The following SUMF1 variants were observed in gnomAD, a reference collection of about 807,000 sequenced individuals.
The protein encoded by SUMF1 is formylglycine-generating enzyme.
SUMF1 carries 48 observed loss-of-function variants against 47.6 expected under a neutral mutation model. The observed-to-expected ratio is 1.01, with a 90% CI of 0.80 to 1.28. The LOEUF (loss-of-function observed/expected upper bound fraction) is 1.28, where lower values mean the gene tolerates loss of function less well. Ranked by LOEUF, SUMF1 falls within the 50% of genes most tolerant of loss-of-function variation. The pLI, the probability that SUMF1 is intolerant of heterozygous loss-of-function variation, is 0.00. For synonymous variants in SUMF1, 230 were observed against 192.1 expected, an observed-to-expected ratio of 1.20 and a Z score of -1.63; for missense variants, 571 against 485.4, an observed-to-expected ratio of 1.18 and a Z score of -1.66.
rs112740612 is a variant in SUMF1 at position 4,068,483 on chromosome 3, T to C, written c.1191+86A>G. ...ATGTTCAAAATATTATTTCAACATG[T>C]AATCAATATAAAAATGTTTGTGGGG... On this transcript the variant is annotated intron_variant and NMD_transcript_variant, in intron 9 of 12. Transcript: ENST00000448413. 1.1e-3 allele frequency: 203 copies of C among 177,706 alleles called. 2 individuals carry two copies. The highest frequency in any genetic ancestry group is 4.4e-3 in the African/African-American group (187 of 42,576). 11.0% of individuals were successfully genotyped at this position (177,706 alleles called of 1,614,324 possible).
At chr3:4,312,598 C>T (rs1698449719) in intron 8 of SUMF1, among the ~76,000 whole-genome samples, 1 of 151,244 alleles carries the variant, frequency 6.6e-6, no homozygotes, top group Non-Finnish European at 1.5e-5. Context: ...GTAGCTGTAG[C>T]AGCTAAGGAA....
At chr3:4,069,660 A>G (rs1319883517) in intron 8 of SUMF1, among the ~76,000 whole-genome samples, 1 of 152,062 alleles carries the variant, frequency 6.6e-6, no homozygotes, top group East Asian at 1.9e-4. Context: ...CTGATTTTTT[A>G]TCTGGCCCAA....
intron 3 of SUMF1, among the ~76,000 whole-genome samples, chr3:4,437,234 A>C (rs1006213623): frequency 6.6e-6 from 1 of 152,344 alleles, no homozygotes; most frequent in East Asian, 1.9e-4. Flanking sequence ...AATTAGAATG[A>C]AAGAGTGGAC....
intron 1 of SUMF1, among the ~76,000 whole-genome samples, chr3:4,457,058 G>GTATATA (rs373828142): frequency 5.8e-4 from 50 of 86,086 alleles, no homozygotes; most frequent in East Asian, 5.3e-3. Flanking sequence ...ATACGTGTGT[G>GTATATA]TATATATATA....
At chr3:4,176,634 C>T (rs1292440855) in intron 8 of SUMF1, among the ~76,000 whole-genome samples, 1 of 152,144 alleles carries the variant, frequency 6.6e-6, no homozygotes, top group Non-Finnish European at 1.5e-5. Flanking sequence ...CATCAATTAA[C>T]AGGCAAAATA....
chr3:4,420,271 T>C, intron 3 of SUMF1, 125 bp from the exon 4 acceptor site: 1 of 741,602 alleles, frequency 1.3e-6, no homozygotes, highest in Non-Finnish European at 2.4e-6. Context: ...AACAAATACA[T>C]TTGCCAGAAT....
At chr3:4,305,093 A>AG (rs1056547543) in intron 8 of SUMF1, among the ~76,000 whole-genome samples, 6 of 151,986 alleles carry the variant, frequency 3.9e-5, no homozygotes, top group Non-Finnish European at 7.4e-5. Flanking sequence ...GTTAAGATAA[A>AG]GGGTTTTTTT....
At chr3:4,460,800 G>A (rs567095521) in intron 1 of SUMF1, among the ~76,000 whole-genome samples, 2 of 151,930 alleles carry the variant, frequency 1.3e-5, no homozygotes, top group South Asian at 2.1e-4. Context: ...GGCACTACAG[G>A]TGAACACCAA....
intron 8 of SUMF1, among the ~76,000 whole-genome samples, chr3:4,175,129 C>T (rs1041635612): frequency 6.6e-6 from 1 of 152,206 alleles, no homozygotes; most frequent in Non-Finnish European, 1.5e-5. Context: ...AGAAAGCAGA[C>T]AACTTCTGCA....
chr3:4,355,595 G>C (rs1028772058), intron 8 of SUMF1, among the ~76,000 whole-genome samples: 6 of 152,146 alleles, frequency 3.9e-5, no homozygotes, highest in African/African-American at 1.4e-4. Flanking sequence ...TAGTCTGTTA[G>C]TGGTTTCACT....
intron 9 of SUMF1, among the ~76,000 whole-genome samples, chr3:4,045,062 A>G (rs1694980879): frequency 6.6e-6 from 1 of 152,178 alleles, no homozygotes; most frequent in Non-Finnish European, 1.5e-5. Context: ...CTAGGCTGCA[A>G]TCCTTATTTA....
At chr3:4,140,988 A>G (rs1312417057) in intron 8 of SUMF1, among the ~76,000 whole-genome samples, 2 of 152,208 alleles carry the variant, frequency 1.3e-5, no homozygotes, top group Non-Finnish European at 2.9e-5. Flanking sequence ...GAGTTTTCAC[A>G]TGATAAGCAA....
chr3:4,157,270 T>A lies in SUMF1; in HGVS notation c.1015-88525A>T, dbSNP rs570011501. Among the ~76,000 whole-genome samples, 36 of 151,650 alleles carry A rather than the reference T, an allele frequency of 2.4e-4. 1 individual carries two copies. In the South Asian group the frequency reaches 7.5e-3, roughly 31 times the overall value. ...GCCAGTTTTTTAGATGTGCTGGTCA[T>A]GTTCCTTAAGCTAGTAACCACTTCA... On this transcript the variant is annotated intron_variant and NMD_transcript_variant, in intron 8 of 12. Coordinates refer to the SUMF1 transcript ENST00000448413.
At chr3:4,136,939 T>A (rs897764736) in intron 8 of SUMF1, among the ~76,000 whole-genome samples, 1 of 152,060 alleles carries the variant, frequency 6.6e-6, no homozygotes, top group African/African-American at 2.4e-5. Context: ...CTCACACCAG[T>A]TAGAATGGCG....
At chr3:4,049,911 G>A (rs1695074627) in intron 9 of SUMF1, among the ~76,000 whole-genome samples, 1 of 152,004 alleles carries the variant, frequency 6.6e-6, no homozygotes, top group Non-Finnish European at 1.5e-5. Flanking sequence ...GAGCTGGAAG[G>A]GGGATGGAGT....
intron 8 of SUMF1, among the ~76,000 whole-genome samples, chr3:4,337,725 C>T (rs1699184449): frequency 6.6e-6 from 1 of 152,242 alleles, no homozygotes; most frequent in Admixed American, 6.5e-5. Flanking sequence ...TTCTCCTATC[C>T]TGCATTGAAC....
At chr3:4,093,922 A>G (rs1276723531) in intron 8 of SUMF1, among the ~76,000 whole-genome samples, 2 of 152,110 alleles carry the variant, frequency 1.3e-5, no homozygotes, top group African/African-American at 4.8e-5. Flanking sequence ...TTAAAATTCT[A>G]TATTAGGTAG....
chr3:4,246,231 C>T (rs1268167508), intron 8 of SUMF1, among the ~76,000 whole-genome samples: 1 of 152,132 alleles, frequency 6.6e-6, no homozygotes, highest in Non-Finnish European at 1.5e-5. Flanking sequence ...GAGGTGACAC[C>T]CCGCCCTGCT....
chr3:4,093,887 T>C (rs1241824827), intron 8 of SUMF1, among the ~76,000 whole-genome samples: 1 of 152,124 alleles, frequency 6.6e-6, no homozygotes, highest in Non-Finnish European at 1.5e-5. Context: ...AAAAGTATTT[T>C]CAGTTCTAAG....
Sources: allele counts gnomAD v4.1 joint callset (sites outside exome capture counted in the v4.1 genomes callset), GRCh38; gene constraint gnomAD v4.1.1; transcripts MANE v1.5; gene names NCBI Gene and HGNC (gene_info 2026-07-23, HGNC 2026-07-21).